The following RPTOR variants were observed in gnomAD, a reference collection of about 807,000 sequenced individuals.
RPTOR encodes regulatory-associated protein of mTOR.
In RPTOR, 21 loss-of-function variants were observed where a neutral mutation model predicts 169.9. The observed-to-expected ratio is 0.12, with a 90% CI of 0.09 to 0.18. The LOEUF is 0.18. RPTOR is among the 10% of genes least tolerant of loss of function. The probability of loss-of-function intolerance (pLI) is 1.00; values close to 1 mark genes in which losing one functional copy is unlikely to be tolerated. For synonymous variants in RPTOR, 732 were observed against 753.2 expected, an observed-to-expected ratio of 0.97 and a Z score of 0.46; for missense variants, 1,133 against 1,855.9, an observed-to-expected ratio of 0.61 and a Z score of 7.16.
intron 7 of RPTOR, among the ~76,000 whole-genome samples, chr17:80,796,732 C>G (rs2067105288): frequency 6.6e-6 from 1 of 152,210 alleles, no homozygotes; most frequent in African/African-American, 2.4e-5. Flanking sequence ...AGTCACTGTT[C>G]TCTGAATGCA....
intron 10 of RPTOR, among the ~76,000 whole-genome samples, chr17:80,841,031 C>T (rs111171186): frequency 1.5e-4 from 1 of 6,828 alleles, no homozygotes; most frequent in Admixed American, 1.5e-3. Flanking sequence ...CTCTCTGCAC[C>T]GCAGCTCACA....
chr17:80,805,942 C>T (rs1281910681), intron 7 of RPTOR, among the ~76,000 whole-genome samples: 1 of 152,122 alleles, frequency 6.6e-6, no homozygotes, highest in African/African-American at 2.4e-5. Flanking sequence ...CTCCCGAGTT[C>T]AACCCTACAT....
intron 1 of RPTOR, among the ~76,000 whole-genome samples, chr17:80,564,187 C>T (rs921103961): frequency 5.3e-5 from 8 of 152,014 alleles, no homozygotes; most frequent in Non-Finnish European, 8.8e-5. Flanking sequence ...CTCAGCCTCC[C>T]GAGTAGCTGG....
chr17:80,838,398 C>G (rs1162743994), intron 10 of RPTOR, among the ~76,000 whole-genome samples: 3 of 152,138 alleles, frequency 2.0e-5, no homozygotes, highest in African/African-American at 7.2e-5. Flanking sequence ...CCCTGGAGGG[C>G]GTTCTGCCCC....
At chr17:80,895,231 G>A (rs953000733) in intron 20 of RPTOR, among the ~76,000 whole-genome samples, 8 of 152,192 alleles carry the variant, frequency 5.3e-5, no homozygotes, top group Non-Finnish European at 2.9e-5. Context: ...CCTGGGCATC[G>A]GTGGGGAAGC....
At chr17:80,631,132 G>C (rs1244785992) in intron 2 of RPTOR, among the ~76,000 whole-genome samples, 1 of 152,164 alleles carries the variant, frequency 6.6e-6, no homozygotes, top group Non-Finnish European at 1.5e-5. Flanking sequence ...CTTCACCTGT[G>C]TCTTGGGACA....
At chr17:80,676,927 G>T (rs1449521577) in intron 3 of RPTOR, among the ~76,000 whole-genome samples, 1 of 152,160 alleles carries the variant, frequency 6.6e-6, no homozygotes, top group Admixed American at 6.5e-5. Context: ...TCACCCGTGT[G>T]GGGGAGAGCT....
At chr17:80,780,366 G>A (rs942978658) in intron 6 of RPTOR, among the ~76,000 whole-genome samples, 1 of 152,102 alleles carries the variant, frequency 6.6e-6, no homozygotes, top group Non-Finnish European at 1.5e-5. Flanking sequence ...GGATGTACAC[G>A]AAGTCTGTTT....
chr17:80,874,565 G>C (rs187419175), intron 13 of RPTOR, among the ~76,000 whole-genome samples: 2 of 152,280 alleles, frequency 1.3e-5, no homozygotes, highest in East Asian at 3.9e-4. Flanking sequence ...AATACACTGT[G>C]CCTGGGGGTG....
chr17:80,925,995 G>C (rs1009368475), intron 24 of RPTOR, among the ~76,000 whole-genome samples: 1 of 152,236 alleles, frequency 6.6e-6, no homozygotes, highest in Non-Finnish European at 1.5e-5. Context: ...CGAGGAATGG[G>C]GCGGGAGCTG....
intron 24 of RPTOR, among the ~76,000 whole-genome samples, chr17:80,935,506 G>A (rs890244373): frequency 4.6e-5 from 7 of 152,150 alleles, no homozygotes; most frequent in South Asian, 2.1e-4. Flanking sequence ...GGTTAGATGC[G>A]TAGATCAATG....
At chr17:80,825,149 A>C (rs1276956789) in intron 9 of RPTOR, among the ~76,000 whole-genome samples, 5 of 148,002 alleles carry the variant, frequency 3.4e-5, no homozygotes, top group Admixed American at 3.3e-4. Flanking sequence ...CCACGTGGCG[A>C]GGCCAGTATG....
At position 80,823,269 on chromosome 17, in the gene RPTOR, G is replaced by A. The variant is rs186227505; in HGVS notation, c.1136+46G>A. On this transcript the variant is annotated intron_variant, in intron 9 of 33. Transcript: ENST00000306801. This position sits in a 1 kb window ranked among gnomAD's most constrained non-coding sequence, Gnocchi z 4.5. ...CAGGTGCCGTGCTCCCCCGCCCTCCGTGGCACTGTGATGTCATGGAATTGC... is the reference window on the plus strand; with the variant it reads ...CAGGTGCCGTGCTCCCCCGCCCTCCATGGCACTGTGATGTCATGGAATTGC... The A allele has an allele frequency of 4.7e-4, 758 of 1,600,986 alleles. 3 individuals are homozygous for A. The African/African-American group carries it at 8.0e-3, about 17-fold the overall frequency.
At position 80,669,708 on chromosome 17, in the gene RPTOR, G is replaced by A. The variant is rs557510811; in HGVS notation, c.348+25898G>A. On this transcript the variant is annotated intron_variant, in intron 3 of 33. Coordinates refer to ENST00000306801, the MANE Select transcript of RPTOR (RefSeq NM_020761.3). ...CAGTAGTTCACTCTTAAAACGCCTT[G>A]TTATGTTTCTCCCCTGCGCTCTGGT... Among the ~76,000 whole-genome samples, 6 of 152,324 alleles carry A rather than the reference G, an allele frequency of 3.9e-5. No homozygotes were observed. The South Asian group carries it at 1.2e-3, about 32-fold the overall frequency.
chr17:80,888,307 G>T (rs1163391391), intron 17 of RPTOR, among the ~76,000 whole-genome samples: 1 of 152,174 alleles, frequency 6.6e-6, no homozygotes, highest in East Asian at 1.9e-4. Context: ...TAGAGATGGG[G>T]TCTCGCTGTG....
chr17:80,681,564 TTCTCTTACACCTTCATGAGGTGTACG>T (rs879687782), intron 3 of RPTOR, among the ~76,000 whole-genome samples: 1,787 of 146,730 alleles, frequency 0.012, 1 homozygote, highest in Admixed American at 0.017. Context: ...ACATTTCTAG[TTCTCTTACACCTTCATGAGGTGTACG>T]TCTCTTACAC....
At chr17:80,747,036 G>A (rs1276630972) in intron 5 of RPTOR, among the ~76,000 whole-genome samples, 6 of 152,110 alleles carry the variant, frequency 3.9e-5, no homozygotes, top group African/African-American at 1.2e-4. Flanking sequence ...TGGCCAACAC[G>A]GTGAAACCCT....
Position 80,850,353 on chromosome 17 carries a change from C to T in RPTOR, c.1314+3779C>T, listed in dbSNP as rs78597944. 1.9e-4 allele frequency among the ~76,000 whole-genome samples: 29 copies of T among 152,336 alleles called. No individual in the cohort carries two copies. In the East Asian group the frequency reaches 5.4e-3, roughly 28 times the overall value. ...GAGTTATTCCACTGAGCATAATGGC[C>T]TCCTGTTTCACCCATGTTGATGCAA... On this transcript the variant is annotated intron_variant, in intron 11 of 33. Coordinates refer to ENST00000306801, the MANE Select transcript of RPTOR (RefSeq NM_020761.3).
rs759088888 is a variant in RPTOR at position 80,643,737 on chromosome 17, C to T, written c.275C>T (p.Ser92Leu). Reference protein sequence around the residue: ...ARLECWIDPLSMGPQKALETI... With the variant: ...ARLECWIDPLLMGPQKALETI... Reference sequence around the variant, plus strand: ...TCCATTGCTTCCTCAGATCCTCTGTCGATGGGTCCTCAGAAAGCTCTGGAA... The same window carrying T: ...TCCATTGCTTCCTCAGATCCTCTGTTGATGGGTCCTCAGAAAGCTCTGGAA... Residue 92 changes from serine (S) to leucine (L), a missense_variant, in exon 3 of 34, where the codon TCG becomes TTG. Physicochemically the swap from Ser to Leu is moderately radical, Grantham distance 145. Transcript: ENST00000306801. 1.9e-6 allele frequency: 3 copies of T among 1,612,974 alleles called. No individual in the cohort carries two copies. The highest frequency in any genetic ancestry group is 2.5e-6 in the Non-Finnish European group (3 of 1,179,426).
Sources: gnomAD v4.1 joint callset for allele counts (sites outside exome capture counted in the v4.1 genomes callset) on GRCh38, gnomAD v4.1.1 for gene constraint, Gnocchi (gnomAD v3.1) non-coding constraint, MANE v1.5 for transcripts, NCBI Gene and HGNC (gene_info 2026-07-23, HGNC 2026-07-21) for gene names.